The following IMPG1 variants were observed in gnomAD, a reference collection of about 807,000 sequenced individuals.
IMPG1 encodes the protein interphotoreceptor matrix proteoglycan 1.
IMPG1 carries 85 observed loss-of-function variants against 92.0 expected under a neutral mutation model. That is an observed-to-expected ratio of 0.92 (90% CI 0.78 to 1.11). The LOEUF (loss-of-function observed/expected upper bound fraction) is 1.11, where lower values mean the gene tolerates loss of function less well. Among genes scored for constraint, IMPG1 ranks in the 50% least tolerant of loss-of-function variants. The probability of loss-of-function intolerance (pLI) is 0.00; values close to 1 mark genes in which losing one functional copy is unlikely to be tolerated. For missense variants in IMPG1, 1,022 were observed against 956.0 expected (o/e 1.07, Z -0.91); for synonymous variants, 367 against 334.1 (o/e 1.10, Z -1.08).
intron 12 of IMPG1, among the ~76,000 whole-genome samples, chr6:75,965,241 G>A (rs747503592): frequency 5.3e-5 from 8 of 152,100 alleles, no homozygotes; most frequent in African/African-American, 1.2e-4. Context: ...CATGGTAGCC[G>A]TATGTTAAAT....
intron 4 of IMPG1, among the ~76,000 whole-genome samples, chr6:76,028,485 T>G (rs1783591820): frequency 6.6e-6 from 1 of 152,234 alleles, no homozygotes; most frequent in East Asian, 1.9e-4. Context: ...CTGCTGATCC[T>G]TGTTTTATTT....
At chr6:75,949,132 T>C (rs1201222696) in intron 13 of IMPG1, among the ~76,000 whole-genome samples, 1 of 152,176 alleles carries the variant, frequency 6.6e-6, no homozygotes, top group Non-Finnish European at 1.5e-5. Context: ...ATGGTTAGTT[T>C]GTCAGAGGCA....
At chr6:76,016,778 A>G (rs1253832119) in intron 7 of IMPG1, among the ~76,000 whole-genome samples, 3 of 152,226 alleles carry the variant, frequency 2.0e-5, no homozygotes, top group Non-Finnish European at 4.4e-5. Context: ...TTGCATTTAT[A>G]CAAACAATTA....
At chr6:75,923,431 G>A (rs953559307) in intron 16 of IMPG1, among the ~76,000 whole-genome samples, 1 of 151,998 alleles carries the variant, frequency 6.6e-6, no homozygotes. Flanking sequence ...TTGTTATTCT[G>A]TTGTTTTATC....
chr6:75,961,949 A>G (rs973422361), intron 12 of IMPG1, among the ~76,000 whole-genome samples: 1 of 151,958 alleles, frequency 6.6e-6, no homozygotes, highest in Admixed American at 6.6e-5. Flanking sequence ...ATACTGAAAA[A>G]TGTTCAGGGA....
chr6:75,939,089 T>G (rs1157187973), intron 14 of IMPG1, among the ~76,000 whole-genome samples: 1 of 152,200 alleles, frequency 6.6e-6, no homozygotes, highest in Non-Finnish European at 1.5e-5. Flanking sequence ...TCCACCTGCC[T>G]TAGCCTCCCA....
chr6:75,986,443 C>G (rs962506098), intron 12 of IMPG1, among the ~76,000 whole-genome samples: 1 of 152,070 alleles, frequency 6.6e-6, no homozygotes, highest in Non-Finnish European at 1.5e-5. Context: ...ACAGATACAT[C>G]AAATCATGGG....
intron 15 of IMPG1, among the ~76,000 whole-genome samples, chr6:75,924,697 AT>A (rs1284257078): frequency 0.52 from 44 of 84 alleles, 16 homozygotes; most frequent in East Asian, 0.72. Context: ...TATATAAATA[AT>A]TATATATAAT....
intron 7 of IMPG1, among the ~76,000 whole-genome samples, chr6:76,014,185 G>C (rs907447166): frequency 6.6e-6 from 1 of 152,230 alleles, no homozygotes; most frequent in Non-Finnish European, 1.5e-5. Flanking sequence ...CAGCTGGGCA[G>C]TTAGTGATTT....
chr6:76,044,278 C>G (rs1783894801), intron 1 of IMPG1, among the ~76,000 whole-genome samples: 1 of 152,120 alleles, frequency 6.6e-6, no homozygotes, highest in Admixed American at 6.5e-5. Flanking sequence ...TTGCAATAAA[C>G]TTGTCATAGT....
intron 10 of IMPG1, 70 bp downstream of exon 10, chr6:76,005,217 A>G (rs1450050116): frequency 2.0e-6 from 3 of 1,485,936 alleles, no homozygotes. Flanking sequence ...GACAGTTTCC[A>G]TGAGACATTC....
chr6:76,034,467 G>C (rs1783701223), intron 3 of IMPG1, 124 bp from the exon 4 acceptor site: 2 of 1,218,088 alleles, frequency 1.6e-6, no homozygotes, highest in East Asian at 2.4e-5. Flanking sequence ...ATATTATTTT[G>C]CAAGAATAAA....
At chr6:76,004,401 G>C (rs1453253833) in intron 10 of IMPG1, among the ~76,000 whole-genome samples, 1 of 152,174 alleles carries the variant, frequency 6.6e-6, no homozygotes, top group African/African-American at 2.4e-5. Context: ...CCGAGTATCA[G>C]GTTGTCTCTG....
intron 7 of IMPG1, among the ~76,000 whole-genome samples, chr6:76,017,964 G>T (rs1030575388): frequency 6.6e-6 from 1 of 152,168 alleles, no homozygotes; most frequent in Non-Finnish European, 1.5e-5. Context: ...TGTTGGCCAG[G>T]CTGGTATCGA....
At chr6:75,990,698 G>C (rs1371551419) in intron 12 of IMPG1, among the ~76,000 whole-genome samples, 1 of 152,086 alleles carries the variant, frequency 6.6e-6, no homozygotes, top group Admixed American at 6.5e-5. Flanking sequence ...GAGCAGAAGT[G>C]CATAACAATT....
chr6:76,012,193 C>A (rs1485048221), intron 7 of IMPG1, among the ~76,000 whole-genome samples: 5 of 152,004 alleles, frequency 3.3e-5, no homozygotes, highest in Non-Finnish European at 7.4e-5. Context: ...ACTAATGAGG[C>A]CTGTTATAAT....
intron 5 of IMPG1, among the ~76,000 whole-genome samples, chr6:76,024,639 T>C (rs1783491199): frequency 6.7e-6 from 1 of 148,544 alleles, no homozygotes; most frequent in Non-Finnish European, 1.5e-5. Context: ...AGCCTTAAAA[T>C]CCATAGTGTT....
intron 1 of IMPG1, among the ~76,000 whole-genome samples, chr6:76,054,640 A>G (rs1784091378): frequency 1.3e-5 from 2 of 152,134 alleles, no homozygotes; most frequent in African/African-American, 4.8e-5. Flanking sequence ...AAATATTAAT[A>G]ACCAGCTCTG....
intron 4 of IMPG1, among the ~76,000 whole-genome samples, chr6:76,028,481 A>T (rs551362213): frequency 6.6e-6 from 1 of 152,350 alleles, no homozygotes; most frequent in African/African-American, 2.4e-5. Context: ...AATACTGCTG[A>T]TCCTTGTTTT....
Sources: allele counts gnomAD v4.1 joint callset (sites outside exome capture counted in the v4.1 genomes callset), GRCh38; gene constraint gnomAD v4.1.1; transcripts MANE v1.5; gene names NCBI Gene and HGNC (gene_info 2026-07-23, HGNC 2026-07-21).